MKLN1: variants seen among roughly 807,000 people sequenced by gnomAD.
MKLN1 encodes muskelin 1.
A neutral mutation model predicts 99.0 loss-of-function variants in MKLN1; 18 were observed. The observed-to-expected ratio is 0.18, with a 90% CI of 0.13 to 0.27. MKLN1 has a LOEUF of 0.27. Ranked by LOEUF, MKLN1 falls within the 10% of genes least tolerant of loss-of-function variation. The pLI, the probability that MKLN1 is intolerant of heterozygous loss-of-function variation, is 1.00. For synonymous variants in MKLN1, 288 were observed against 293.2 expected, an observed-to-expected ratio of 0.98 and a Z score of 0.18; for missense variants, 621 against 875.9, an observed-to-expected ratio of 0.71 and a Z score of 3.67.
chr7:131,351,344 G>A (rs1309707420), intron 1 of MKLN1, among the ~76,000 whole-genome samples: 3 of 152,194 alleles, frequency 2.0e-5, no homozygotes, highest in African/African-American at 7.2e-5. Flanking sequence ...CATTTGTCCT[G>A]AAGAAGCTCC....
Position 131,470,002 on chromosome 7 carries a change from A to G in MKLN1, c.1929-840A>G, listed in dbSNP as rs1352715935. Among the ~76,000 whole-genome samples the G allele has an allele frequency of 3.9e-5, 6 of 151,900 alleles. No individual in the cohort carries two copies. In the East Asian group the frequency reaches 1.2e-3, roughly 29 times the overall value. On this transcript the variant is annotated intron_variant, in intron 15 of 17. Coordinates refer to ENST00000352689, the MANE Select transcript of MKLN1 (RefSeq NM_013255.5). Reference sequence around the variant, plus strand: ...GCAGTCCTCCCACCTTAGACTCTCGAGTAGCTGGGACTGTAGGCATGTGCC... The same window carrying G: ...GCAGTCCTCCCACCTTAGACTCTCGGGTAGCTGGGACTGTAGGCATGTGCC...
chr7:131,445,855 G>A lies in MKLN1; in HGVS notation c.1477G>A (p.Asp493Asn). ...NDFFSYDVDS[D>N]HVDIISDGTK... is the part of the protein sequence containing the mutation. Reference sequence around the variant, plus strand: ...TTTCTTTAGTTATGATGTGGACTCTGATCATGTAGACATAATATCAGATGG... The same window carrying A: ...TTTCTTTAGTTATGATGTGGACTCTAATCATGTAGACATAATATCAGATGG... The change falls in exon 12 of 18, where the codon GAT (aspartate) becomes AAT (asparagine). Residue 493 changes from aspartate (D) to asparagine (N), a missense_variant. Asp to Asn is a conservative substitution (Grantham distance 23). Coordinates refer to ENST00000352689, the MANE Select transcript of MKLN1 (RefSeq NM_013255.5). The A allele has an allele frequency of 6.2e-7, 1 of 1,606,912 alleles. No individual in the cohort carries two copies. The highest frequency in any genetic ancestry group is 8.5e-7 in the Non-Finnish European group (1 of 1,175,290).
chr7:131,130,324 T>G lies in MKLN1; in HGVS notation c.-418-12496T>G, dbSNP rs150649330. Among the ~76,000 whole-genome samples the G allele has an allele frequency of 2.0e-3, 303 of 152,348 alleles. 2 individuals carry two copies. Among genetic ancestry groups the G allele is most frequent in the African/African-American group, 6.7e-3 (279 of 41,588 alleles). ...ATGGTGGATTCCAGAACCTACAGCC[T>G]GATAAGCTTAGTTTGGTTAGGGAAA... On this transcript the variant is annotated intron_variant, in intron 1 of 7. Transcript: ENST00000416992.
chr7:131,150,562 C>CA (rs779843247), intron 2 of MKLN1, among the ~76,000 whole-genome samples: 35 of 152,132 alleles, frequency 2.3e-4, no homozygotes, highest in Non-Finnish European at 4.3e-4. Flanking sequence ...CTTGGGATTG[C>CA]ATATGAAAAT....
intron 2 of MKLN1, among the ~76,000 whole-genome samples, chr7:131,175,797 G>A (rs1796289894): frequency 1.3e-5 from 2 of 152,138 alleles, no homozygotes; most frequent in South Asian, 2.1e-4. Flanking sequence ...CTACTTGGGA[G>A]GCTGAGGCAG....
intron 9 of MKLN1, among the ~76,000 whole-genome samples, chr7:131,434,406 GAA>G (rs1196888309): frequency 6.6e-6 from 1 of 152,116 alleles, no homozygotes; most frequent in Admixed American, 6.5e-5. Flanking sequence ...GTAATATAGA[GAA>G]ATACAATTGG....
intron 3 of MKLN1, among the ~76,000 whole-genome samples, chr7:131,277,440 T>C (rs1470554514): frequency 6.6e-6 from 1 of 152,046 alleles, no homozygotes; most frequent in African/African-American, 2.4e-5. Flanking sequence ...CCCACCACCA[T>C]GCCCTGCTAA....
At chr7:131,354,007 TA>T (rs1799799758) in intron 1 of MKLN1, among the ~76,000 whole-genome samples, 2 of 151,998 alleles carry the variant, frequency 1.3e-5, no homozygotes, top group South Asian at 4.1e-4. Context: ...GCTAGTATTA[TA>T]CTTTATTGAT....
At position 131,429,089 on chromosome 7, in the gene MKLN1, G is replaced by T. The variant is rs1185090233; in HGVS notation, c.904G>T (p.Ala302Ser). 1.2e-6 allele frequency: 2 copies of T among 1,613,928 alleles called. No homozygotes were observed. Among genetic ancestry groups the T allele is most frequent in the African/African-American group, 1.3e-5 (1 of 74,968 alleles). The change falls in exon 9 of 18, where the codon GCG becomes TCG. Residue 302 changes from alanine (A) to serine (S), a missense_variant. Transcript: ENST00000352689. Reference protein sequence around the residue: ...DGTQDLADFWAYSVKENQWTC... With the variant: ...DGTQDLADFWSYSVKENQWTC... ...AACACAAGATCTTGCTGACTTCTGG[G>T]CGTACAGTGTGAAGGAGAACCAGTG...
intron 1 of MKLN1, among the ~76,000 whole-genome samples, chr7:131,332,345 A>G (rs1226313213): frequency 2.7e-5 from 4 of 148,344 alleles, no homozygotes; most frequent in Non-Finnish European, 6.0e-5. Flanking sequence ...TATTATGTTA[A>G]AAATATGTAA....
At chr7:131,131,716 T>C (rs1162509961) in intron 1 of MKLN1, among the ~76,000 whole-genome samples, 3 of 152,210 alleles carry the variant, frequency 2.0e-5, no homozygotes, top group Non-Finnish European at 4.4e-5. Context: ...GCTCCTGTTA[T>C]GCTCAAATTT....
At chr7:131,244,341 G>A (rs1205571309) in intron 3 of MKLN1, among the ~76,000 whole-genome samples, 1 of 152,140 alleles carries the variant, frequency 6.6e-6, no homozygotes, top group Non-Finnish European at 1.5e-5. Context: ...CGCCAGAGCT[G>A]CAGGCAGTTC....
rs1797439511 is a variant in MKLN1 at position 131,243,554 on chromosome 7, C to A, written c.-179+40580C>A. The stretch of plus-strand genomic sequence containing the variant: ...GAATTGTTTTTGCAATTATCAGACA[C>A]TGAGGTTAATAATGTTACAAAACAC... On this transcript the variant is annotated intron_variant, in intron 3 of 7. Transcript: ENST00000416992. Among the ~76,000 whole-genome samples the A allele has an allele frequency of 3.3e-5, 5 of 152,240 alleles. No homozygotes were observed. In the South Asian group the frequency reaches 6.2e-4, roughly 19 times the overall value.
At chr7:131,237,750 A>T (rs1405551101) in intron 3 of MKLN1, among the ~76,000 whole-genome samples, 2 of 152,206 alleles carry the variant, frequency 1.3e-5, no homozygotes, top group Non-Finnish European at 2.9e-5. Context: ...TGGAGATAAG[A>T]GTTCTGGTAA....
intron 3 of MKLN1, among the ~76,000 whole-genome samples, chr7:131,245,504 G>A (rs1180534215): frequency 6.6e-6 from 1 of 152,066 alleles, no homozygotes; most frequent in Non-Finnish European, 1.5e-5. Flanking sequence ...CTGCCCTCAG[G>A]TGATCCGCGC....
At chr7:131,221,611 G>T (rs1470793638) in intron 3 of MKLN1, among the ~76,000 whole-genome samples, 1 of 148,468 alleles carries the variant, frequency 6.7e-6, no homozygotes, top group African/African-American at 2.5e-5. Flanking sequence ...TGGTTTGGAT[G>T]ATTCTCCTGC....
intron 2 of MKLN1, among the ~76,000 whole-genome samples, chr7:131,382,006 T>C (rs768682119): frequency 8.5e-5 from 13 of 152,244 alleles, no homozygotes; most frequent in South Asian, 2.1e-4. Flanking sequence ...TGTTTATCCA[T>C]ATACCTGTTA....
intron 3 of MKLN1, among the ~76,000 whole-genome samples, chr7:131,243,516 C>A (rs965666361): frequency 5.9e-5 from 9 of 152,128 alleles, no homozygotes; most frequent in African/African-American, 2.2e-4. Flanking sequence ...CTCAATAGCA[C>A]ATTGAGCATT....
intron 3 of MKLN1, among the ~76,000 whole-genome samples, chr7:131,318,232 C>G (rs796629689): frequency 6.6e-6 from 1 of 152,110 alleles, no homozygotes; most frequent in African/African-American, 2.4e-5. Context: ...TTAGCAAATG[C>G]AAAAGAATGG....
Sources: allele counts gnomAD v4.1 joint callset (sites outside exome capture counted in the v4.1 genomes callset), GRCh38; gene constraint gnomAD v4.1.1; transcripts MANE v1.5; gene names NCBI Gene and HGNC (gene_info 2026-07-23, HGNC 2026-07-21).